LY86: variants seen among roughly 807,000 people sequenced by gnomAD.
The protein encoded by LY86 is MD-1, RP105-associated.
Under a neutral mutation model 17.3 loss-of-function variants are expected in LY86, and 20 were observed. That is an observed-to-expected ratio of 1.15 (90% CI 0.81 to 1.68). The LOEUF (loss-of-function observed/expected upper bound fraction) is 1.68. Ranked by LOEUF, LY86 falls within the 40% of genes most tolerant of loss-of-function variation. The pLI, the probability that LY86 is intolerant of heterozygous loss-of-function variation, is 0.00. For synonymous variants in LY86, 74 were observed against 70.6 expected (o/e 1.05, Z -0.24); for missense variants, 200 against 191.9 (o/e 1.04, Z -0.25).
At chr6:6,590,915 G>A (rs1370348574) in intron 1 of LY86, among the ~76,000 whole-genome samples, 4 of 152,002 alleles carry the variant, frequency 2.6e-5, no homozygotes, top group African/African-American at 9.7e-5. Context: ...AAAAATAAGG[G>A]ACATTGAAGT....
intron 1 of LY86, among the ~76,000 whole-genome samples, chr6:6,613,557 T>A (rs6904255): frequency 1.3e-5 from 2 of 151,926 alleles, no homozygotes; most frequent in Non-Finnish European, 2.9e-5. Context: ...GGCCCGCCGA[T>A]CCCACGCCCA....
chr6:6,648,170 C>T (rs890130401), intron 3 of LY86, among the ~76,000 whole-genome samples: 3 of 152,172 alleles, frequency 2.0e-5, no homozygotes, highest in African/African-American at 7.2e-5. Context: ...ACCTCCACCA[C>T]CACCACCCTT....
intron 1 of LY86, chr6:6,591,579 C>T (rs1205869168): frequency 6.5e-6 from 1 of 153,574 alleles, no homozygotes; most frequent in African/African-American, 2.4e-5. Flanking sequence ...AGGCTAAGTA[C>T]TTTACATGCA....
chr6:6,603,453 G>A (rs181297716), intron 1 of LY86, among the ~76,000 whole-genome samples: 3 of 151,756 alleles, frequency 2.0e-5, no homozygotes, highest in African/African-American at 7.2e-5. Flanking sequence ...AAACTGCCTT[G>A]CTATAAAGTA....
chr6:6,614,393 A>G (rs74977061), intron 1 of LY86, among the ~76,000 whole-genome samples: 2 of 88,692 alleles, frequency 2.3e-5, no homozygotes, highest in Non-Finnish European at 4.8e-5. Context: ...TTTTTTTTTT[A>G]TTTGAGTGTA....
At chr6:6,613,471 C>T (rs569191797) in intron 1 of LY86, among the ~76,000 whole-genome samples, 11 of 152,332 alleles carry the variant, frequency 7.2e-5, no homozygotes, top group Admixed American at 2.6e-4. Context: ...AGAAATCGAG[C>T]ACAGCAGCTG....
chr6:6,624,161 C>A (rs1761737142), intron 1 of LY86, among the ~76,000 whole-genome samples: 2 of 152,052 alleles, frequency 1.3e-5, no homozygotes, highest in Admixed American at 6.6e-5. Context: ...GCCACTCTGG[C>A]CTCAAGGAAT....
intron 3 of LY86, among the ~76,000 whole-genome samples, chr6:6,643,799 G>A (rs574672497): frequency 2.6e-5 from 4 of 152,286 alleles, no homozygotes; most frequent in African/African-American, 9.6e-5. Context: ...AGGTGACTAT[G>A]TGAGGATATG....
chr6:6,628,798 A>C (rs374279764), intron 3 of LY86, among the ~76,000 whole-genome samples: 4 of 152,358 alleles, frequency 2.6e-5, no homozygotes, highest in African/African-American at 9.6e-5. Flanking sequence ...AAGACACAAT[A>C]GATACTTGTT....
intron 3 of LY86, among the ~76,000 whole-genome samples, chr6:6,629,836 G>A (rs565830021): frequency 3.8e-4 from 58 of 152,266 alleles, no homozygotes; most frequent in African/African-American, 1.4e-3. Context: ...AGCGTATATG[G>A]CCAACGATAG....
intron 1 of LY86, among the ~76,000 whole-genome samples, chr6:6,602,318 C>A (rs1760934258): frequency 6.6e-6 from 1 of 152,222 alleles, no homozygotes; most frequent in Admixed American, 6.5e-5. Context: ...GATTTGATAA[C>A]TAGCAGACCC....
chr6:6,589,248 C>A (rs1341889206), intron 1 of LY86, among the ~76,000 whole-genome samples: 5 of 152,200 alleles, frequency 3.3e-5, no homozygotes, highest in Non-Finnish European at 7.3e-5. Context: ...CAACACCGTA[C>A]ACCTGGGCTA....
intron 1 of LY86, 47 bp downstream of exon 1, chr6:6,588,917 C>A: frequency 6.3e-7 from 1 of 1,595,850 alleles, no homozygotes; most frequent in South Asian, 1.1e-5. Flanking sequence ...GAAAGCAAGG[C>A]CCACAGATGT....
intron 3 of LY86, among the ~76,000 whole-genome samples, chr6:6,631,653 G>A (rs896780630): frequency 2.2e-4 from 34 of 152,202 alleles, no homozygotes; most frequent in African/African-American, 7.2e-4. Context: ...TTAGTGATCT[G>A]TATTTTAACA....
intron 4 of LY86, among the ~76,000 whole-genome samples, chr6:6,652,089 G>C (rs1456366929): frequency 6.8e-6 from 1 of 146,080 alleles, no homozygotes; most frequent in Non-Finnish European, 1.5e-5. Flanking sequence ...AAAGGAAAAA[G>C]GTTGACCAGA....
intron 4 of LY86, among the ~76,000 whole-genome samples, chr6:6,652,629 A>G (rs1223856127): frequency 2.6e-5 from 4 of 152,150 alleles, no homozygotes; most frequent in East Asian, 3.8e-4. Context: ...AGCCTGACCC[A>G]TGTATTGCCA....
At chr6:6,605,227 A>G (rs1761068020) in intron 1 of LY86, among the ~76,000 whole-genome samples, 1 of 152,002 alleles carries the variant, frequency 6.6e-6, no homozygotes, top group African/African-American at 2.4e-5. Flanking sequence ...CTGCATAACA[A>G]ATACCCTAAA....
intron 1 of LY86, among the ~76,000 whole-genome samples, chr6:6,600,165 C>T (rs1010330175): frequency 2.6e-5 from 4 of 152,132 alleles, no homozygotes; most frequent in Non-Finnish European, 5.9e-5. Flanking sequence ...ATAGAAATGG[C>T]ATTTTCATAG....
intron 1 of LY86, among the ~76,000 whole-genome samples, chr6:6,594,266 C>T (rs1760630303): frequency 6.6e-6 from 1 of 152,202 alleles, no homozygotes; most frequent in Admixed American, 6.5e-5. Context: ...GGCCAAACCC[C>T]ACTCGGTGCC....
Sources: gnomAD v4.1 joint callset for allele counts (sites outside exome capture counted in the v4.1 genomes callset) on GRCh38, gnomAD v4.1.1 for gene constraint, MANE v1.5 for transcripts, NCBI Gene and HGNC (gene_info 2026-07-23, HGNC 2026-07-21) for gene names.